RGS7: variants seen among roughly 807,000 people sequenced by gnomAD.
RGS7 encodes the protein regulator of G protein signaling 7.
Under a neutral mutation model 81.1 loss-of-function variants are expected in RGS7, and 27 were observed. The observed-to-expected ratio is 0.33, with a 90% CI of 0.25 to 0.46. The LOEUF is 0.46. Ranked by LOEUF, RGS7 falls within the 20% of genes least tolerant of loss-of-function variation. RGS7 has a pLI of 1.00. For synonymous variants in RGS7, 208 were observed against 207.7 expected (o/e 1.00, Z -0.01); for missense variants, 396 against 607.4 (o/e 0.65, Z 3.66).
intron 4 of RGS7, among the ~76,000 whole-genome samples, chr1:240,962,619 A>T (rs1005236079): frequency 6.6e-6 from 1 of 152,178 alleles, no homozygotes; most frequent in Non-Finnish European, 1.5e-5. Context: ...TAATTTCAAC[A>T]GGGAAAAAAT....
At position 240,935,833 on chromosome 1, in the gene RGS7, C is replaced by A. The variant is rs930954912; in HGVS notation, c.333+767G>T. Among the ~76,000 whole-genome samples the A allele has an allele frequency of 4.6e-5, 7 of 152,264 alleles. No individual in the cohort carries two copies. In the South Asian group the frequency reaches 1.5e-3, roughly 32 times the overall value. On this transcript the variant is annotated intron_variant, in intron 5 of 18. Transcript: ENST00000440928. Reference sequence around the variant, plus strand: ...AAGTTGGACTGTGGGGAGAACCCTCCAGCAAATACCTCTTGGAAATGGATT... The same window carrying A: ...AAGTTGGACTGTGGGGAGAACCCTCAAGCAAATACCTCTTGGAAATGGATT...
At chr1:241,228,392 T>A (rs1193519875) in intron 2 of RGS7, among the ~76,000 whole-genome samples, 1 of 152,032 alleles carries the variant, frequency 6.6e-6, no homozygotes, top group East Asian at 1.9e-4. Flanking sequence ...TAAATATAGA[T>A]AAAATCCACT....
In RGS7 at chr1:240,824,596, G is replaced by C. The variant is rs141411487; in HGVS notation, c.684+2502C>G. On this transcript the variant is annotated intron_variant, in intron 10 of 18. Coordinates refer to ENST00000440928, the MANE Select transcript of RGS7 (RefSeq NM_001364886.1). Reference sequence around the variant, plus strand: ...GGACCCCTCAGAGGGTGGTGAAACAGCTTGCTGATTGCTGTCAAGGTATTC... The same window carrying C: ...GGACCCCTCAGAGGGTGGTGAAACACCTTGCTGATTGCTGTCAAGGTATTC... Among the ~76,000 whole-genome samples the C allele has an allele frequency of 9.5e-3, 1,449 of 152,366 alleles. 56 individuals carry two copies. Among genetic ancestry groups the C allele is most frequent in the Admixed American group, 0.08 (1,218 of 15,306 alleles).
At chr1:241,124,256 A>G (rs2066494315) in intron 2 of RGS7, among the ~76,000 whole-genome samples, 1 of 151,088 alleles carries the variant, frequency 6.6e-6, no homozygotes, top group South Asian at 2.1e-4. Context: ...TTAGCCAGAC[A>G]TAGTGCTGCA....
intron 6 of RGS7, among the ~76,000 whole-genome samples, chr1:240,888,368 G>T (rs1253933295): frequency 1.3e-5 from 2 of 152,190 alleles, no homozygotes; most frequent in East Asian, 3.8e-4. Context: ...AGTATCTTCA[G>T]TTGCTGGAGA....
chr1:241,050,577 A>G (rs2061194663), intron 3 of RGS7, among the ~76,000 whole-genome samples: 1 of 152,172 alleles, frequency 6.6e-6, no homozygotes, highest in South Asian at 2.1e-4. Context: ...TTGAAGTACA[A>G]GTGACCCTTG....
chr1:241,327,022 GGAAGGAAGGAAGGA>G (rs2081547652), intron 2 of RGS7, among the ~76,000 whole-genome samples: 1 of 21,660 alleles, frequency 4.6e-5, no homozygotes, highest in Non-Finnish European at 1.4e-4. Context: ...AAGGAAGGAA[GGAAGGAAGGAAGGA>G]AGGGAGGGAG....
intron 2 of RGS7, among the ~76,000 whole-genome samples, chr1:241,197,934 A>T (rs1330220155): frequency 8.7e-6 from 1 of 114,336 alleles, no homozygotes; most frequent in African/African-American, 3.2e-5. Context: ...CCAAAATTAA[A>T]CATTATCTAT....
chr1:241,258,511 G>A (rs1329579257), intron 2 of RGS7, among the ~76,000 whole-genome samples: 3 of 152,112 alleles, frequency 2.0e-5, no homozygotes, highest in Non-Finnish European at 2.9e-5. Flanking sequence ...AGTCATGCAC[G>A]CATACCAAGG....
At chr1:241,107,817 T>G (rs188141732) in intron 2 of RGS7, among the ~76,000 whole-genome samples, 281 of 152,254 alleles carry the variant, frequency 1.8e-3, no homozygotes, top group Non-Finnish European at 3.1e-3. Flanking sequence ...GGGCAAAAAC[T>G]TTGATTTATA....
intron 2 of RGS7, among the ~76,000 whole-genome samples, chr1:241,175,537 T>C (rs1391715623): frequency 6.6e-6 from 1 of 152,164 alleles, no homozygotes; most frequent in East Asian, 1.9e-4. Context: ...GGCCTCAAGA[T>C]GCTTGGAGAC....
At chr1:240,801,189 T>C (rs1399351887) in intron 17 of RGS7, among the ~76,000 whole-genome samples, 1 of 152,204 alleles carries the variant, frequency 6.6e-6, no homozygotes, top group Non-Finnish European at 1.5e-5. Context: ...TAATTATTAT[T>C]CCTTCCTTTT....
intron 4 of RGS7, among the ~76,000 whole-genome samples, chr1:240,941,322 A>T (rs140213786): frequency 1.2e-3 from 186 of 152,296 alleles, no homozygotes; most frequent in African/African-American, 4.0e-3. Flanking sequence ...ATAATAATAG[A>T]TATTTTGTGT....
intron 3 of RGS7, among the ~76,000 whole-genome samples, chr1:241,080,421 T>C (rs2063067185): frequency 6.6e-6 from 1 of 152,062 alleles, no homozygotes; most frequent in African/African-American, 2.4e-5. Flanking sequence ...AGAAAACCTA[T>C]GCCGATACTA....
Position 240,920,248 on chromosome 1 carries a change from G to T in RGS7, c.385+10469C>A. 4 of 1,251,948 alleles carry T rather than the reference G, an allele frequency of 3.2e-6. No homozygotes were observed. In the South Asian group the frequency reaches 4.8e-5, roughly 15 times the overall value. The allele number at this position is 1,251,948 out of a possible 1,614,324, so 77.6% of individuals were successfully genotyped here. On this transcript the variant is annotated intron_variant, in intron 6 of 18. Coordinates refer to ENST00000440928, the MANE Select transcript of RGS7 (RefSeq NM_001364886.1). ...AGCCAAAGAGGTCGAAGTGGTTCTGGAAACTTTGGTGGTGATCGTGGTGGT... is the reference window on the plus strand; with the variant it reads ...AGCCAAAGAGGTCGAAGTGGTTCTGTAAACTTTGGTGGTGATCGTGGTGGT...
intron 4 of RGS7, among the ~76,000 whole-genome samples, chr1:240,948,083 C>T (rs965687025): frequency 2.0e-5 from 3 of 152,232 alleles, no homozygotes; most frequent in Non-Finnish European, 1.5e-5. Flanking sequence ...GCCCTGACTA[C>T]ACTGGTGTAG....
At chr1:240,898,138 T>G (rs1669396216) in intron 6 of RGS7, among the ~76,000 whole-genome samples, 1 of 152,184 alleles carries the variant, frequency 6.6e-6, no homozygotes. Context: ...ATACCCTTTA[T>G]CATTTTTTAT....
At chr1:240,854,329 G>C (rs1280741321) in intron 9 of RGS7, among the ~76,000 whole-genome samples, 1 of 152,040 alleles carries the variant, frequency 6.6e-6, no homozygotes, top group African/African-American at 2.4e-5. Flanking sequence ...TTCCCAGTTT[G>C]CTTAATGTCA....
intron 3 of RGS7, among the ~76,000 whole-genome samples, chr1:241,002,885 A>G (rs543007954): frequency 1.3e-5 from 2 of 152,366 alleles, no homozygotes; most frequent in South Asian, 2.1e-4. Flanking sequence ...ATATGAATAC[A>G]AGTTTTCACT....
Sources: gnomAD v4.1 joint callset for allele counts (sites outside exome capture counted in the v4.1 genomes callset) on GRCh38, gnomAD v4.1.1 for gene constraint, MANE v1.5 for transcripts, NCBI Gene and HGNC (gene_info 2026-07-23, HGNC 2026-07-21) for gene names.